GAL3ST1: variants seen among roughly 807,000 people sequenced by gnomAD.
The protein encoded by GAL3ST1 is galactosylceramide sulfotransferase.
In GAL3ST1, 13 loss-of-function variants were observed where a neutral mutation model predicts 25.0. The observed-to-expected ratio is 0.52, with a 90% CI of 0.34 to 0.83. The LOEUF is 0.83. Ranked by LOEUF, GAL3ST1 falls within the 40% of genes least tolerant of loss-of-function variation. The pLI is 0.02. For synonymous variants in GAL3ST1, 274 were observed against 277.8 expected (o/e 0.99, Z 0.14); for missense variants, 474 against 613.6 (o/e 0.77, Z 2.40).
At position 30,557,334 on chromosome 22, in the gene GAL3ST1, G is replaced by A. The variant is rs200784913; in HGVS notation, c.59C>T (p.Ala20Val). ...ESMAKGLVLG[A>V]LFTSFLLLVY... ...CAGCAGCAGGAAACTAGTGAAGAGC[G>A]CGCCCAGCACCAGCCCCTTAGCCAT... The change falls in exon 3 of 4, where the codon GCG becomes GTG. Residue 20 changes from alanine (A) to valine (V), a missense_variant. By Grantham distance (64) the Ala-to-Val change is moderately conservative (BLOSUM62 0). Coordinates refer to ENST00000406361, the MANE Select transcript of GAL3ST1 (RefSeq NM_001318104.2). 136 of 1,614,172 alleles carry A rather than the reference G, an allele frequency of 8.4e-5. 1 individual carries two copies. Among genetic ancestry groups the A allele is most frequent in the Admixed American group, 3.0e-4 (18 of 60,028 alleles).
At chr22:30,565,995 T>C (rs917182394) in intron 1 of GAL3ST1, 2 of 152,250 alleles carry the variant, frequency 1.3e-5, no homozygotes, top group Non-Finnish European at 2.9e-5. Flanking sequence ...AGCACTTTCA[T>C]AGGCTAAGCA....
intron 1 of GAL3ST1, among the ~76,000 whole-genome samples, chr22:30,569,895 C>T (rs1437080288): frequency 6.6e-6 from 1 of 152,140 alleles, no homozygotes; most frequent in African/African-American, 2.4e-5. Flanking sequence ...CTTGCCTGGG[C>T]AACACAGTGA....
intron 1 of GAL3ST1, among the ~76,000 whole-genome samples, chr22:30,573,704 G>A (rs1262564183): frequency 6.6e-6 from 1 of 152,246 alleles, no homozygotes; most frequent in Non-Finnish European, 1.5e-5. Flanking sequence ...CCTGGTGTGG[G>A]TTACAGCAGC....
chr22:30,555,535 G>A lies in GAL3ST1; in HGVS notation c.690C>T (p.Pro230=), dbSNP rs140947286. The A allele has an allele frequency of 6.2e-7, 1 of 1,613,664 alleles. No individual in the cohort carries two copies. The highest frequency in any genetic ancestry group is 2.2e-5 in the East Asian group (1 of 44,878). ...TGTGCTCCTGCACCTGCGGGCTGCT[G>A]GGGTCCAGGCTGTTGTCATAGCCCA... is the stretch of plus-strand genomic sequence containing the variant. ...FDLGYDNSLD[P]SSPQVQEHIL... is the part of the protein sequence containing the mutation. Residue 230 remains proline, a synonymous_variant, in exon 4 of 4, where the codon CCC becomes CCT. Coordinates refer to ENST00000406361, the MANE Select transcript of GAL3ST1 (RefSeq NM_001318104.2). The surrounding 1 kb of genome is among the most constrained non-coding windows in gnomAD (Gnocchi z 8.6).
At chr22:30,556,204 T>G (rs1275761804) in intron 3 of GAL3ST1, 111 bp from the exon 4 acceptor site, 2 of 887,458 alleles carry the variant, frequency 2.3e-6, no homozygotes, top group Non-Finnish European at 3.4e-6. Flanking sequence ...GGAGCTGGGA[T>G]AGTGAGACCT....
rs774058933 is a variant in GAL3ST1 at position 30,556,014 on chromosome 22, C to T, written c.211G>A (p.Glu71Lys). 9 of 1,612,470 alleles carry T rather than the reference C, an allele frequency of 5.6e-6. No individual in the cohort carries two copies. The African/African-American group carries it at 8.0e-5, about 14-fold the overall frequency. Residue 71 changes from glutamate to lysine, a missense_variant, in exon 4 of 4, where the codon GAG becomes AAG. Around this residue, in one of 2 missense-constraint regions of GAL3ST1, gnomAD observed 115 missense variants for 109.2 expected, o/e 1.05. Transcript: ENST00000406361. ...ACGATGTTGCGCCGCGGCTGGCACT[C>T]CCCCGCCGAGCCGTTGGCCCGGATC... is the stretch of plus-strand genomic sequence containing the variant. Reference protein sequence around the residue: ...AVIRANGSAGECQPRRNIVFL... With the variant: ...AVIRANGSAGKCQPRRNIVFL...
At chr22:30,572,917 TCCCTCA>T (rs1259030439) in intron 1 of GAL3ST1, 1 of 152,164 alleles carries the variant, frequency 6.6e-6, no homozygotes, top group Non-Finnish European at 1.5e-5. Context: ...GCACACCCAG[TCCCTCA>T]GAACACAGTG....
intron 3 of GAL3ST1, among the ~76,000 whole-genome samples, chr22:30,556,391 A>G (rs990225521): frequency 6.6e-6 from 1 of 152,148 alleles, no homozygotes; most frequent in African/African-American, 2.4e-5. Context: ...AATCAGTATC[A>G]GCTTGGGCCA....
At chr22:30,556,191 A>G in intron 3 of GAL3ST1, 98 bp from the exon 4 acceptor site, 1 of 1,038,652 alleles carries the variant, frequency 9.6e-7, no homozygotes. Context: ...CAGTGGTGGC[A>G]AAGGAGCTGG....
rs1330229003 is a variant in GAL3ST1 at position 30,554,702 on chromosome 22, A to G, written c.*251T>C. 1 of 357,296 alleles carries G rather than the reference A, an allele frequency of 2.8e-6. No homozygotes were observed. Among genetic ancestry groups the G allele is most frequent in the Non-Finnish European group, 5.0e-6 (1 of 199,608 alleles). The allele number at this position is 357,296 out of a possible 1,614,324, so 22.1% of individuals were successfully genotyped here. A position where few individuals can be genotyped will look rare whatever the true frequency, so the allele number is the denominator to read the frequency against. On this transcript the variant is annotated 3_prime_UTR_variant, in exon 4 of 4. Transcript: ENST00000406361. ...CCCCTTTAAGGGGAGGCAGAAATAG[A>G]ACATTCTTTATCGGGGAGGGAAAGG...
At chr22:30,571,094 G>A (rs1021011496) in intron 1 of GAL3ST1, among the ~76,000 whole-genome samples, 1 of 152,112 alleles carries the variant, frequency 6.6e-6, no homozygotes, top group Non-Finnish European at 1.5e-5. Context: ...CCTGGCTGGA[G>A]GAAGATGAGC....
intron 1 of GAL3ST1, among the ~76,000 whole-genome samples, chr22:30,559,704 T>C (rs1413351098): frequency 6.6e-6 from 1 of 152,168 alleles, no homozygotes; most frequent in Non-Finnish European, 1.5e-5. Flanking sequence ...TTTTGGGGGA[T>C]GATCTAAGCG....
chr22:30,557,137 G>C (rs2086085974), intron 3 of GAL3ST1, 125 bp downstream of exon 3: 1 of 897,614 alleles, frequency 1.1e-6, no homozygotes. Context: ...GCACAGCATG[G>C]TGCAGGGTGC....
chr22:30,555,015 G>C lies in GAL3ST1; in HGVS notation c.1210C>G (p.Leu404Val). The part of the protein sequence containing the change: ...LTPEIQYLMD[L>V]GANLWVTKLW... ...TTGGTGACCCACAGGTTGGCGCCGA[G>C]GTCCATCAGGTACTGGATCTCGGGC... Residue 404 changes from leucine (L) to valine (V), a missense_variant, in exon 4 of 4, where the codon CTC (leucine) becomes GTC (valine). Around this residue, in one of 2 missense-constraint regions of GAL3ST1, gnomAD observed 359 missense variants for 504.4 expected, o/e 0.71. Coordinates refer to ENST00000406361, the MANE Select transcript of GAL3ST1 (RefSeq NM_001318104.2). This position sits in a 1 kb window ranked among gnomAD's most constrained non-coding sequence, Gnocchi z 8.6. 1 of 1,602,234 alleles carries C rather than the reference G, an allele frequency of 6.2e-7. No individual in the cohort carries two copies. Among genetic ancestry groups the C allele is most frequent in the Non-Finnish European group, 8.5e-7 (1 of 1,171,538 alleles).
At chr22:30,557,933 G>T (rs1335618269) in intron 2 of GAL3ST1, among the ~76,000 whole-genome samples, 1 of 151,194 alleles carries the variant, frequency 6.6e-6, no homozygotes, top group African/African-American at 2.4e-5. Flanking sequence ...GCATCATAAT[G>T]AAATTATTTC....
intron 1 of GAL3ST1, among the ~76,000 whole-genome samples, chr22:30,562,986 C>T (rs2086490611): frequency 6.6e-6 from 1 of 151,992 alleles, no homozygotes; most frequent in Non-Finnish European, 1.5e-5. Context: ...TGTGGTGGTG[C>T]GCACCTGTAA....
chr22:30,567,734 A>C (rs1263398994), intron 1 of GAL3ST1, among the ~76,000 whole-genome samples: 1 of 152,092 alleles, frequency 6.6e-6, no homozygotes, highest in Non-Finnish European at 1.5e-5. Context: ...CCCATGCTGG[A>C]GTGCACTGGG....
intron 1 of GAL3ST1, chr22:30,560,852 C>T (rs2086367059): frequency 6.6e-6 from 1 of 152,312 alleles, no homozygotes; most frequent in South Asian, 2.1e-4. Context: ...TCCACCTGGC[C>T]CCGCCCAGGA....
intron 1 of GAL3ST1, among the ~76,000 whole-genome samples, chr22:30,559,265 G>A (rs867636074): frequency 4.0e-5 from 6 of 151,790 alleles, no homozygotes; most frequent in South Asian, 2.1e-4. Context: ...TTTTTGAGAC[G>A]GAGTCTCGCT....
Sources: gnomAD v4.1 joint callset for allele counts (sites outside exome capture counted in the v4.1 genomes callset) on GRCh38, gnomAD v4.1.1 for gene constraint, gnomAD v4.1.1 regional missense constraint, Gnocchi (gnomAD v3.1) non-coding constraint, MANE v1.5 for transcripts, NCBI Gene and HGNC (gene_info 2026-07-23, HGNC 2026-07-21) for gene names.